Variants in CAMTA1 observed in about 807,000 individuals in gnomAD.
CAMTA1 encodes calmodulin binding transcription activator 1.
In CAMTA1, 27 loss-of-function variants were observed where a neutral mutation model predicts 170.9. The ratio of observed to expected loss-of-function variants is 0.16; its 90% CI spans 0.12 to 0.22. The LOEUF (loss-of-function observed/expected upper bound fraction) is 0.22. CAMTA1 is among the 10% of genes least tolerant of loss of function. The pLI is 1.00. For synonymous variants in CAMTA1, 833 were observed against 891.5 expected, an observed-to-expected ratio of 0.93 and a Z score of 1.17; for missense variants, 1,619 against 2,217.2, an observed-to-expected ratio of 0.73 and a Z score of 5.42.
intron 4 of CAMTA1, among the ~76,000 whole-genome samples, chr1:7,126,400 G>T (rs1025299841): frequency 6.6e-6 from 1 of 152,196 alleles, no homozygotes; most frequent in Non-Finnish European, 1.5e-5. Context: ...TGACACAAGG[G>T]TGTTTAATTC....
At chr1:7,199,675 T>G (rs1346287735) in intron 4 of CAMTA1, among the ~76,000 whole-genome samples, 1 of 150,084 alleles carries the variant, frequency 6.7e-6, no homozygotes, top group Non-Finnish European at 1.5e-5. Context: ...GTGGCTGAAA[T>G]GTATCCAAGG....
At chr1:6,885,155 C>G (rs1672859183) in intron 3 of CAMTA1, among the ~76,000 whole-genome samples, 1 of 152,178 alleles carries the variant, frequency 6.6e-6, no homozygotes, top group Non-Finnish European at 1.5e-5. Context: ...AGAGTCACCC[C>G]TCACACAGAA....
chr1:7,730,226 T>C (rs1349682086), intron 11 of CAMTA1, among the ~76,000 whole-genome samples: 1 of 152,164 alleles, frequency 6.6e-6, no homozygotes, highest in East Asian at 1.9e-4. Flanking sequence ...ACACAGCTTT[T>C]ATATGGCAGA....
chr1:7,539,264 G>T (rs1216101664), intron 6 of CAMTA1, among the ~76,000 whole-genome samples: 1 of 152,240 alleles, frequency 6.6e-6, no homozygotes, highest in Non-Finnish European at 1.5e-5. Context: ...AGCCTTGGGG[G>T]ACAGGACGTG....
chr1:7,449,269 A>C (rs2092754306), intron 5 of CAMTA1, among the ~76,000 whole-genome samples: 1 of 152,204 alleles, frequency 6.6e-6, no homozygotes, highest in South Asian at 2.1e-4. Flanking sequence ...GCGAAGCTGC[A>C]CCCAACGTGG....
At chr1:6,910,242 A>G (rs1345562422) in intron 3 of CAMTA1, among the ~76,000 whole-genome samples, 1 of 152,212 alleles carries the variant, frequency 6.6e-6, no homozygotes, top group African/African-American at 2.4e-5. Flanking sequence ...ATTAAGGTTC[A>G]CTATTCAGAT....
intron 3 of CAMTA1, among the ~76,000 whole-genome samples, chr1:7,069,454 G>A (rs1400245162): frequency 6.6e-6 from 1 of 152,192 alleles, no homozygotes; most frequent in African/African-American, 2.4e-5. Flanking sequence ...GGGATGCAGG[G>A]GGCCTGGCAC....
In CAMTA1 at chr1:7,325,347, G is replaced by T. The variant is rs1047140055; in HGVS notation, c.438+75721G>T. Among the ~76,000 whole-genome samples the T allele has an allele frequency of 6.6e-6, 1 of 152,202 alleles. No homozygotes were observed. Among genetic ancestry groups the T allele is most frequent in the Non-Finnish European group, 1.5e-5 (1 of 68,032 alleles). On this transcript the variant is annotated intron_variant, in intron 5 of 22. Transcript: ENST00000303635. This position sits in a 1 kb window ranked among gnomAD's most constrained non-coding sequence, Gnocchi z 5.0. The stretch of plus-strand genomic sequence containing the variant: ...AGTTTTCTGTGGAGTGCTCAGGGGC[G>T]GCCTTGAATGGAGGCTGGAGGGTGC...
At chr1:7,227,804 G>A (rs762851220) in intron 4 of CAMTA1, among the ~76,000 whole-genome samples, 4 of 152,158 alleles carry the variant, frequency 2.6e-5, no homozygotes, top group African/African-American at 4.8e-5. Flanking sequence ...TGTATGCTGC[G>A]TGAGGACAGG....
rs2096135654 is a variant in CAMTA1 at position 7,677,619 on chromosome 1, A to G, written c.2800A>G (p.Thr934Ala). ...TTCAGCCCATGACACTGGTCTTGTG[A>G]CCCTACAAGTTGCCTTCAACAACCA... ...YCPAHDTGLVTLQVAFNNQII... is the reference protein window; with the variant it reads ...YCPAHDTGLVALQVAFNNQII... Residue 934 changes from threonine (T) to alanine (A), a missense_variant, in exon 11 of 23, where the codon ACC becomes GCC. Around this residue, in one of 8 missense-constraint regions of CAMTA1, gnomAD observed 143 missense variants for 184.2 expected, o/e 0.78. Coordinates refer to ENST00000303635, the MANE Select transcript of CAMTA1 (RefSeq NM_015215.4). 4 of 1,613,844 alleles carry G rather than the reference A, an allele frequency of 2.5e-6. No individual in the cohort carries two copies. The highest frequency in any genetic ancestry group is 3.4e-6 in the Non-Finnish European group (4 of 1,179,940).
chr1:7,331,050 G>A (rs1450031171), intron 5 of CAMTA1, among the ~76,000 whole-genome samples: 1 of 152,150 alleles, frequency 6.6e-6, no homozygotes, highest in Admixed American at 6.5e-5. Context: ...GAGCAGCCTG[G>A]CCAACATGGC....
chr1:7,273,221 C>T (rs1241502302), intron 5 of CAMTA1, among the ~76,000 whole-genome samples: 1 of 152,118 alleles, frequency 6.6e-6, no homozygotes, highest in East Asian at 1.9e-4. Context: ...ATTGAGTTAC[C>T]AGAAGACCCA....
chr1:7,095,369 G>A (rs1429565694), intron 4 of CAMTA1, among the ~76,000 whole-genome samples: 2 of 152,262 alleles, frequency 1.3e-5, no homozygotes, highest in East Asian at 1.9e-4. Flanking sequence ...TCAGTTTTTC[G>A]GGTATTTCTA....
intron 7 of CAMTA1, among the ~76,000 whole-genome samples, chr1:7,643,080 G>A (rs2148956904): frequency 6.6e-6 from 1 of 152,026 alleles, no homozygotes; most frequent in Non-Finnish European, 1.5e-5. Context: ...TTGAAAGGGT[G>A]ACCAGGGTCC....
chr1:7,451,192 CCATTTGCATGATGTTCT>C (rs1275694057), intron 5 of CAMTA1, among the ~76,000 whole-genome samples: 1 of 152,196 alleles, frequency 6.6e-6, no homozygotes, highest in Non-Finnish European at 1.5e-5. Context: ...CAGTTGACAG[CCATTTGCATGATGTTCT>C]CATCTGCAGA....
At chr1:7,341,484 G>A (rs889205833) in intron 5 of CAMTA1, among the ~76,000 whole-genome samples, 1 of 152,218 alleles carries the variant, frequency 6.6e-6, no homozygotes, top group African/African-American at 2.4e-5. Flanking sequence ...AAGTAGGTGC[G>A]AGATTGTCTC....
chr1:7,507,390 T>G (rs886622777), intron 6 of CAMTA1, among the ~76,000 whole-genome samples: 2 of 152,094 alleles, frequency 1.3e-5, no homozygotes, highest in Non-Finnish European at 2.9e-5. Flanking sequence ...GGCTGCAGGC[T>G]GGGGAGGGGG....
chr1:7,663,288 G>A (rs2095976855), intron 8 of CAMTA1, 65 bp from the exon 9 acceptor site: 2 of 1,502,660 alleles, frequency 1.3e-6, no homozygotes, highest in Non-Finnish European at 1.8e-6. Context: ...TCTTTTGTGT[G>A]TGCATGTGTG....
chr1:7,033,263 T>A (rs191471207), intron 3 of CAMTA1, among the ~76,000 whole-genome samples: 407 of 152,306 alleles, frequency 2.7e-3, no homozygotes, highest in Admixed American at 3.4e-3. Context: ...TCACTAATAT[T>A]TTCTTTAGTG....
Sources: gnomAD v4.1 joint callset for allele counts (sites outside exome capture counted in the v4.1 genomes callset) on GRCh38, gnomAD v4.1.1 for gene constraint, gnomAD v4.1.1 regional missense constraint, Gnocchi (gnomAD v3.1) non-coding constraint, MANE v1.5 for transcripts, NCBI Gene and HGNC (gene_info 2026-07-23, HGNC 2026-07-21) for gene names.